P2RY12: variants seen among roughly 807,000 people sequenced by gnomAD.
P2RY12 encodes purinergic receptor P2Y12, also known as P2Y purinoceptor 12.
P2RY12 carries 3 observed loss-of-function variants against 4.5 expected under a neutral mutation model. The ratio of observed to expected loss-of-function variants is 0.67; its 90% confidence interval spans 0.31 to 1.74. The LOEUF is 1.74. P2RY12 is among the 40% of genes most tolerant of loss of function. The probability of loss-of-function intolerance (pLI) is 0.09; values close to 1 mark genes in which losing one functional copy is unlikely to be tolerated. For synonymous variants in P2RY12, 148 were observed against 154.1 expected (o/e 0.96, Z 0.29); for missense variants, 356 against 407.8 (o/e 0.87, Z 1.09).
chr3:151,359,797 A>T (rs1340166495), intron 1 of P2RY12, among the ~76,000 whole-genome samples: 1 of 152,174 alleles, frequency 6.6e-6, no homozygotes, highest in Non-Finnish European at 1.5e-5. Context: ...TCAGATGCAC[A>T]GATAGGTGAA....
chr3:151,359,889 G>A (rs1754396397), intron 1 of P2RY12, among the ~76,000 whole-genome samples: 1 of 152,058 alleles, frequency 6.6e-6, no homozygotes, highest in African/African-American at 2.4e-5. Context: ...AACTACAGGA[G>A]TTATACAGAA....
chr3:151,361,855 G>A (rs377241929), intron 1 of P2RY12, among the ~76,000 whole-genome samples: 18 of 152,152 alleles, frequency 1.2e-4, no homozygotes, highest in African/African-American at 2.9e-4. Context: ...CCTGTCATTC[G>A]TTGTATCTTA....
chr3:151,368,343 T>A, intron 1 of P2RY12: 2 of 1,136,664 alleles, frequency 1.8e-6, no homozygotes, highest in Non-Finnish European at 2.6e-6. Flanking sequence ...TGTAATTGCC[T>A]TCTTAATTTT....
At chr3:151,376,944 GA>G (rs1560099327) in intron 1 of P2RY12, 2 of 1,610,774 alleles carry the variant, frequency 1.2e-6, no homozygotes, top group Admixed American at 3.3e-5. Context: ...GATGTTTGAG[GA>G]TAAAGGAATA....
At chr3:151,378,306 C>A (rs1711584890) in intron 1 of P2RY12, 2 of 918,198 alleles carry the variant, frequency 2.2e-6, no homozygotes, top group Non-Finnish European at 3.1e-6. Context: ...TGGGAATATT[C>A]TATTAGGCAA....
At chr3:151,370,672 C>T (rs1009214197) in intron 1 of P2RY12, among the ~76,000 whole-genome samples, 1 of 152,104 alleles carries the variant, frequency 6.6e-6, no homozygotes, top group East Asian at 1.9e-4. Flanking sequence ...GTCAGTTGGT[C>T]GGTTCTACTT....
intron 1 of P2RY12, among the ~76,000 whole-genome samples, chr3:151,345,490 T>G (rs1752408942): frequency 6.6e-6 from 1 of 150,650 alleles, no homozygotes; most frequent in Non-Finnish European, 1.5e-5. Flanking sequence ...TTTGAAGGCT[T>G]CTACGTTTTC....
At chr3:151,366,167 G>GA (rs768966828) in intron 1 of P2RY12, among the ~76,000 whole-genome samples, 5 of 151,812 alleles carry the variant, frequency 3.3e-5, no homozygotes, top group South Asian at 4.2e-4. Context: ...TTAAATACAT[G>GA]AAAAAAAATA....
rs187821763 is a variant in P2RY12 at position 151,362,032 on chromosome 3, C to A, written c.-179-21272G>T. Among the ~76,000 whole-genome samples the A allele has an allele frequency of 1.4e-3, 220 of 152,040 alleles. 2 individuals are homozygous for A. Among genetic ancestry groups the A allele is most frequent in the African/African-American group, 5.2e-3 (216 of 41,496 alleles). ...AAGGAGGTAGGGAAAGGATGTTCAA[C>A]TACCATTTTTTTTCCTTTGTCATAC... is the stretch of plus-strand genomic sequence containing the variant. On this transcript the variant is annotated intron_variant, in intron 1 of 2. Coordinates refer to ENST00000302632, the MANE Select transcript of P2RY12 (RefSeq NM_022788.5).
chr3:151,375,927 C>A (rs1040315483), intron 1 of P2RY12: 1 of 622,242 alleles, frequency 1.6e-6, no homozygotes. Flanking sequence ...AAATTCCTAT[C>A]AGTTTTCTAT....
intron 1 of P2RY12, chr3:151,382,560 A>G: frequency 2.9e-6 from 2 of 678,344 alleles, no homozygotes; most frequent in Admixed American, 7.2e-5. Flanking sequence ...TTTGTTAAAG[A>G]TAAGAAGTGG....
At chr3:151,354,939 A>C (rs1377878547) in intron 1 of P2RY12, among the ~76,000 whole-genome samples, 1 of 152,078 alleles carries the variant, frequency 6.6e-6, no homozygotes, top group Non-Finnish European at 1.5e-5. Context: ...GGCCTGAGGG[A>C]GTTTCTGAGA....
At chr3:151,344,282 C>T (rs1182311254) in intron 1 of P2RY12, among the ~76,000 whole-genome samples, 1 of 142,530 alleles carries the variant, frequency 7.0e-6, no homozygotes, top group Non-Finnish European at 1.5e-5. Flanking sequence ...AGAAAATATA[C>T]TCTATGTATA....
chr3:151,378,015 C>A, intron 1 of P2RY12: 1 of 1,595,134 alleles, frequency 6.3e-7, no homozygotes, highest in Non-Finnish European at 8.6e-7. Flanking sequence ...ATTTTAGTTC[C>A]TCCGAACGCA....
intron 1 of P2RY12, chr3:151,377,999 T>C (rs777949545): frequency 2.5e-6 from 4 of 1,583,962 alleles, no homozygotes; most frequent in Non-Finnish European, 2.6e-6. Context: ...GTAACACCTG[T>C]TTCTGATTTT....
chr3:151,378,254 A>G (rs1711575307), intron 1 of P2RY12: 1 of 1,336,916 alleles, frequency 7.5e-7, no homozygotes, highest in Non-Finnish European at 9.9e-7. Context: ...CTGTGTGGTC[A>G]CTGTACCCAC....
chr3:151,343,859 A>G (rs755776257), intron 1 of P2RY12, among the ~76,000 whole-genome samples: 1 of 152,196 alleles, frequency 6.6e-6, no homozygotes, highest in Non-Finnish European at 1.5e-5. Flanking sequence ...GGAACTGGGC[A>G]GGAGGATAGA....
At position 151,372,483 on chromosome 3, in the gene P2RY12, C is replaced by G. The variant is rs144356752; in HGVS notation, c.-180+12209G>C. 575 of 978,404 alleles carry G rather than the reference C, an allele frequency of 5.9e-4. 6 individuals carry two copies. In the African/African-American group the frequency reaches 7.9e-3, roughly 13 times the overall value. 60.6% of individuals were successfully genotyped at this position (978,404 alleles called of 1,614,324 possible). A position where few individuals can be genotyped will look rare whatever the true frequency, so the allele number is the denominator to read the frequency against. On this transcript the variant is annotated intron_variant, in intron 1 of 2. Transcript: ENST00000302632. ...AATACTGTTCATATATTTTAAATCC[C>G]TGAATGCTATCCTCATTTGCTCCTC...
At chr3:151,365,749 C>G in intron 1 of P2RY12, 1 of 1,066,342 alleles carries the variant, frequency 9.4e-7, no homozygotes, top group Non-Finnish European at 1.3e-6. Context: ...AAGAAAATGA[C>G]TTGTTTGATG....
Sources: allele counts gnomAD v4.1 joint callset (sites outside exome capture counted in the v4.1 genomes callset), GRCh38; gene constraint gnomAD v4.1.1; transcripts MANE v1.5; gene names NCBI Gene and HGNC (gene_info 2026-07-23, HGNC 2026-07-21).